CCSER1: variants seen among roughly 807,000 people sequenced by gnomAD.
CCSER1 encodes serine-rich coiled-coil domain-containing protein 1.
Under a neutral mutation model 82.0 loss-of-function variants are expected in CCSER1, and 41 were observed. The observed-to-expected ratio is 0.50, with a 90% CI of 0.39 to 0.65. The LOEUF is 0.65. Among genes scored for constraint, CCSER1 ranks in the 30% least tolerant of loss-of-function variants. The pLI is 0.00. For synonymous variants in CCSER1, 414 were observed against 383.9 expected (o/e 1.08, Z -0.92); for missense variants, 1,119 against 1,064.2 (o/e 1.05, Z -0.72).
chr4:90,202,182 T>C (rs1737835167), intron 1 of CCSER1, among the ~76,000 whole-genome samples: 1 of 149,002 alleles, frequency 6.7e-6, no homozygotes, highest in South Asian at 2.2e-4. Context: ...CTTGGATTCT[T>C]GGATGTACTG....
intron 6 of CCSER1, among the ~76,000 whole-genome samples, chr4:90,711,678 A>G (rs1246868615): frequency 6.6e-6 from 1 of 151,234 alleles, no homozygotes; most frequent in Non-Finnish European, 1.5e-5. Flanking sequence ...CCAGGGATGC[A>G]GCCACTTGAT....
intron 9 of CCSER1, among the ~76,000 whole-genome samples, chr4:90,983,050 C>G (rs1471114708): frequency 6.6e-6 from 1 of 151,798 alleles, no homozygotes; most frequent in East Asian, 1.9e-4. Context: ...AGCAGCATGA[C>G]TTACGCTATG....
At chr4:90,699,040 G>T (rs1223683542) in intron 6 of CCSER1, among the ~76,000 whole-genome samples, 2 of 152,026 alleles carry the variant, frequency 1.3e-5, no homozygotes, top group Non-Finnish European at 2.9e-5. Context: ...GGTTGAGGGT[G>T]CAGTGAGCCA....
At chr4:90,956,497 A>G (rs1357964927) in intron 9 of CCSER1, among the ~76,000 whole-genome samples, 33 of 152,176 alleles carry the variant, frequency 2.2e-4, no homozygotes, top group Admixed American at 2.2e-3. Flanking sequence ...ACAGGCATCT[A>G]AAATGATTCC....
chr4:91,105,570 G>A (rs1400636047), intron 10 of CCSER1, among the ~76,000 whole-genome samples: 1 of 152,024 alleles, frequency 6.6e-6, no homozygotes, highest in Non-Finnish European at 1.5e-5. Context: ...CAGGTGTGGT[G>A]GTGGATGCCT....
chr4:91,525,120 G>C (rs967615555), intron 10 of CCSER1, among the ~76,000 whole-genome samples: 1 of 152,094 alleles, frequency 6.6e-6, no homozygotes, highest in Admixed American at 6.5e-5. Context: ...TCTAGGGCTG[G>C]TGGAGAAGTT....
intron 10 of CCSER1, among the ~76,000 whole-genome samples, chr4:91,555,883 G>C (rs1762376080): frequency 6.6e-6 from 1 of 151,192 alleles, no homozygotes; most frequent in Non-Finnish European, 1.5e-5. Flanking sequence ...CCCCAGGGGT[G>C]TGTAATTGTA....
chr4:90,234,273 A>G (rs6823000), intron 1 of CCSER1, among the ~76,000 whole-genome samples: 92,536 of 150,552 alleles, frequency 0.61, 29,706 homozygotes, highest in East Asian at 0.83. Flanking sequence ...CTGGAGTGTG[A>G]TGGCATGATC....
chr4:91,155,480 A>C (rs1269001093), intron 10 of CCSER1, among the ~76,000 whole-genome samples: 1 of 151,986 alleles, frequency 6.6e-6, no homozygotes, highest in Non-Finnish European at 1.5e-5. Context: ...GACTAATACA[A>C]GATATCAAGA....
chr4:91,172,579 G>A (rs918290006), intron 10 of CCSER1, among the ~76,000 whole-genome samples: 1 of 152,142 alleles, frequency 6.6e-6, no homozygotes, highest in African/African-American at 2.4e-5. Context: ...CATGCCGGGT[G>A]CTTTGCTGAG....
chr4:91,490,918 ATATATATAT>A (rs1758497073), intron 10 of CCSER1, among the ~76,000 whole-genome samples: 2 of 88,648 alleles, frequency 2.3e-5, no homozygotes, highest in Non-Finnish European at 4.6e-5. Context: ...ATATATATAT[ATATATATAT>A]AAAATATGCG....
At chr4:90,880,304 T>A (rs1021843012) in intron 8 of CCSER1, among the ~76,000 whole-genome samples, 2 of 152,122 alleles carry the variant, frequency 1.3e-5, no homozygotes, top group Non-Finnish European at 2.9e-5. Context: ...GACTTTTGCT[T>A]GTCTCCTGGG....
At chr4:90,687,525 G>A (rs1735042207) in intron 6 of CCSER1, among the ~76,000 whole-genome samples, 1 of 152,046 alleles carries the variant, frequency 6.6e-6, no homozygotes, top group Non-Finnish European at 1.5e-5. Flanking sequence ...CTCAGCTGGG[G>A]TGAGAAGTTC....
rs185893738 is a variant in CCSER1, at chr4:90,411,544, G to T, written c.1603+11415G>T. On this transcript the variant is annotated intron_variant, in intron 4 of 10. Coordinates refer to ENST00000509176, the MANE Select transcript of CCSER1 (RefSeq NM_001145065.2). ...AAACCACATGATTATCTCAATAGAT[G>T]CAGAAAAGGCCTTTGACAAAATTCA... Among the ~76,000 whole-genome samples the T allele has an allele frequency of 1.1e-3, 173 of 152,290 alleles. 1 individual carries two copies. Among genetic ancestry groups the T allele is most frequent in the Admixed American group, 9.1e-3 (139 of 15,294 alleles).
chr4:91,121,897 TTATC>T (rs1287715713), intron 10 of CCSER1, among the ~76,000 whole-genome samples: 2 of 151,568 alleles, frequency 1.3e-5, no homozygotes, highest in Non-Finnish European at 1.5e-5. Flanking sequence ...TATTGATAAA[TTATC>T]TATGGATGTC....
chr4:91,397,087 A>G (rs1363314044), intron 10 of CCSER1, among the ~76,000 whole-genome samples: 2 of 152,086 alleles, frequency 1.3e-5, no homozygotes, highest in African/African-American at 4.8e-5. Flanking sequence ...TCTGTCTACA[A>G]GCACTATCAT....
intron 10 of CCSER1, among the ~76,000 whole-genome samples, chr4:91,265,650 T>C (rs1038255899): frequency 6.6e-6 from 1 of 152,200 alleles, no homozygotes; most frequent in African/African-American, 2.4e-5. Context: ...TTCATACTTT[T>C]TTTATTGTAG....
chr4:90,628,257 G>A, intron 6 of CCSER1, 25 bp downstream of exon 6: 1 of 1,566,778 alleles, frequency 6.4e-7, no homozygotes, highest in Non-Finnish European at 8.8e-7. Flanking sequence ...TAAGATTAAT[G>A]TCCTTCAGTG....
chr4:91,281,985 G>T (rs1049545455), intron 10 of CCSER1, among the ~76,000 whole-genome samples: 2 of 151,928 alleles, frequency 1.3e-5, no homozygotes, highest in South Asian at 2.1e-4. Context: ...AAAAATATTG[G>T]TTTTTGTTAT....
Sources: gnomAD v4.1 joint callset for allele counts (sites outside exome capture counted in the v4.1 genomes callset) on GRCh38, gnomAD v4.1.1 for gene constraint, MANE v1.5 for transcripts, NCBI Gene and HGNC (gene_info 2026-07-23, HGNC 2026-07-21) for gene names.